PTPRC: variants seen among roughly 807,000 people sequenced by gnomAD.
PTPRC encodes the protein receptor-type tyrosine-protein phosphatase C.
In PTPRC, 44 loss-of-function variants were observed where a neutral mutation model predicts 155.9. That is an observed-to-expected ratio of 0.28 (90% CI 0.22 to 0.36). PTPRC has a LOEUF of 0.36. PTPRC is among the 10% of genes least tolerant of loss of function. The pLI is 1.00. For synonymous variants in PTPRC, 525 were observed against 533.1 expected, an observed-to-expected ratio of 0.98 and a Z score of 0.21; for missense variants, 1,401 against 1,564.6, an observed-to-expected ratio of 0.90 and a Z score of 1.76.
At chr1:198,752,406 T>C (rs766813769) in intron 30 of PTPRC, 35 bp downstream of exon 30, 8 of 1,609,074 alleles carry the variant, frequency 5.0e-6, no homozygotes, top group African/African-American at 4.0e-5. Context: ...ATTTCTTTGA[T>C]ATAATGGATC....
chr1:198,658,023 A>T (rs6428474), intron 2 of PTPRC, among the ~76,000 whole-genome samples: 59,584 of 151,968 alleles, frequency 0.39, 12,118 homozygotes, highest in East Asian at 0.68. Context: ...CAGGGGAGAG[A>T]TGTGGAGCAC....
At chr1:198,641,490 A>G (rs573228459) in intron 2 of PTPRC, among the ~76,000 whole-genome samples, 12 of 152,156 alleles carry the variant, frequency 7.9e-5, no homozygotes, top group African/African-American at 1.9e-4. Flanking sequence ...GCATAATTCA[A>G]ATATTTTATT....
rs747910304 is a variant in PTPRC, at chr1:198,709,769, C to G, written c.1116C>G (p.Leu372=). Reference sequence around the variant, plus strand: ...AGTATAAGTGTGACTCAGAAATACTCTATAATAACCACAAGTTTACTAACG... The same window carrying G: ...AGTATAAGTGTGACTCAGAAATACTGTATAATAACCACAAGTTTACTAACG... The part of the protein sequence containing the change: ...EHEYKCDSEI[L]YNNHKFTNAS... Residue 372 remains leucine (L), a synonymous_variant, in exon 11 of 33, where the codon CTC becomes CTG. Coordinates refer to ENST00000442510, the MANE Select transcript of PTPRC (RefSeq NM_002838.5). The G allele has an allele frequency of 2.6e-5, 42 of 1,612,314 alleles. No individual in the cohort carries two copies. Among genetic ancestry groups the G allele is most frequent in the Non-Finnish European group, 3.2e-5 (38 of 1,179,250 alleles).
intron 2 of PTPRC, among the ~76,000 whole-genome samples, chr1:198,663,473 T>A (rs1217351841): frequency 6.6e-6 from 1 of 152,196 alleles, no homozygotes; most frequent in Non-Finnish European, 1.5e-5. Context: ...CTGAATACAT[T>A]GAGGTACTGG....
At chr1:198,693,998 G>C (rs1049209906) in intron 3 of PTPRC, 1 of 1,545,406 alleles carries the variant, frequency 6.5e-7, no homozygotes, top group Non-Finnish European at 8.7e-7. Context: ...ACACAATCAC[G>C]AGGTGAATTC....
At chr1:198,642,346 A>G (rs1662633844) in intron 2 of PTPRC, among the ~76,000 whole-genome samples, 1 of 148,280 alleles carries the variant, frequency 6.7e-6, no homozygotes, top group Non-Finnish European at 1.5e-5. Flanking sequence ...TGTGGGTTAT[A>G]TATACTAGTC....
intron 15 of PTPRC, among the ~76,000 whole-genome samples, chr1:198,726,006 G>A (rs944876641): frequency 6.6e-6 from 1 of 152,100 alleles, no homozygotes; most frequent in African/African-American, 2.4e-5. Flanking sequence ...GAAAGAAGGG[G>A]GAAACACATG....
intron 3 of PTPRC, among the ~76,000 whole-genome samples, chr1:198,696,070 G>T (rs1666186552): frequency 6.6e-6 from 1 of 151,988 alleles, no homozygotes. Flanking sequence ...TGAGGCAAGA[G>T]AATCGCTTGA....
At chr1:198,749,672 T>C (rs756611938) in intron 28 of PTPRC, 123 bp downstream of exon 28, 6 of 906,754 alleles carry the variant, frequency 6.6e-6, no homozygotes, top group Non-Finnish European at 1.0e-5. Flanking sequence ...TACATATAGA[T>C]TGACATGAGA....
At position 198,756,870 on chromosome 1, in the gene PTPRC, G is replaced by GCTGT. The variant is rs1185869648; in HGVS notation, c.*692_*695dup. On this transcript the variant is annotated 3_prime_UTR_variant, in exon 33 of 33. Transcript: ENST00000442510. ...AAAAAATTTCCAGTGAGCTTATCAT[G>GCTGT]CTGTCTTTACATGGGGTTTTCAATT... 2.0e-5 allele frequency: 3 copies of GCTGT among 151,786 alleles called. No homozygotes were observed. The highest frequency in any genetic ancestry group is 4.8e-5 in the African/African-American group (2 of 41,364). The allele number at this position is 151,786 out of a possible 1,614,324, so 9.4% of individuals were successfully genotyped here. A position where few individuals can be genotyped will look rare whatever the true frequency, so the allele number is the denominator to read the frequency against.
intron 23 of PTPRC, 129 bp downstream of exon 23, chr1:198,735,381 G>C (rs748850814): frequency 4.0e-5 from 36 of 910,982 alleles, no homozygotes; most frequent in Non-Finnish European, 5.6e-5. Context: ...GATGAAAGCT[G>C]TGGTTAGAAC....
chr1:198,653,430 A>T (rs530624347), intron 2 of PTPRC, among the ~76,000 whole-genome samples: 2 of 151,886 alleles, frequency 1.3e-5, no homozygotes, highest in African/African-American at 4.8e-5. Context: ...ATTGGAATAA[A>T]AGTTGAAATC....
At chr1:198,720,655 G>A (rs753625721) in intron 14 of PTPRC, among the ~76,000 whole-genome samples, 123 of 152,228 alleles carry the variant, frequency 8.1e-4, no homozygotes, top group Admixed American at 1.2e-3. Context: ...AAATAGTATA[G>A]GAGTGATTTG....
chr1:198,734,545 A>G, intron 22 of PTPRC, 120 bp downstream of exon 22: 3 of 896,310 alleles, frequency 3.3e-6, no homozygotes, highest in South Asian at 2.7e-5. Context: ...CTCTATTTTA[A>G]TCAGTGTTAA....
intron 5 of PTPRC, 90 bp downstream of exon 5, chr1:198,699,794 T>C (rs1384851898): frequency 2.1e-5 from 33 of 1,536,362 alleles, no homozygotes; most frequent in Non-Finnish European, 2.7e-5. Context: ...TAACCACTTA[T>C]TCAATGTGCA....
chr1:198,711,269 G>T (rs1653296502), intron 11 of PTPRC, among the ~76,000 whole-genome samples: 1 of 152,078 alleles, frequency 6.6e-6, no homozygotes, highest in African/African-American at 2.4e-5. Context: ...AGCATAACTA[G>T]AAAATTTTAA....
chr1:198,741,767 T>C, intron 23 of PTPRC, 102 bp from the exon 24 acceptor site: 1 of 1,182,110 alleles, frequency 8.5e-7, no homozygotes, highest in Non-Finnish European at 1.2e-6. Flanking sequence ...GTAGTTTATG[T>C]TTACACGAGG....
chr1:198,642,319 T>G (rs61829717), intron 2 of PTPRC, among the ~76,000 whole-genome samples: 14,226 of 152,022 alleles, frequency 0.094, 1,327 homozygotes, highest in East Asian at 0.47. Context: ...TACTCACACA[T>G]AAACTAGTTA....
chr1:198,696,608 C>A, intron 3 of PTPRC, 104 bp from the exon 4 acceptor site: 1 of 928,268 alleles, frequency 1.1e-6, no homozygotes, highest in Non-Finnish European at 1.8e-6. Flanking sequence ...TATGTACATA[C>A]ACACTATAGT....
Sources: allele counts gnomAD v4.1 joint callset (sites outside exome capture counted in the v4.1 genomes callset), GRCh38; gene constraint gnomAD v4.1.1; transcripts MANE v1.5; gene names NCBI Gene and HGNC (gene_info 2026-07-23, HGNC 2026-07-21).